Variants in CTNND2 observed in about 807,000 individuals in gnomAD.
CTNND2 encodes the protein catenin delta-2.
Under a neutral mutation model 144.4 loss-of-function variants are expected in CTNND2, and 22 were observed. That is an observed-to-expected ratio of 0.15 (90% confidence interval 0.11 to 0.22). CTNND2 has a LOEUF of 0.22. CTNND2 is among the 10% of genes least tolerant of loss of function. The pLI, the probability that CTNND2 is intolerant of heterozygous loss-of-function variation, is 1.00. For missense variants in CTNND2, 1,353 were observed against 1,618.8 expected, an observed-to-expected ratio of 0.84 and a Z score of 2.82; for synonymous variants, 751 against 695.6, an observed-to-expected ratio of 1.08 and a Z score of -1.25.
intron 7 of CTNND2, 23 bp from the exon 8 acceptor site, chr5:11,364,913 C>G (rs759224538): frequency 3.8e-6 from 6 of 1,591,504 alleles, no homozygotes; most frequent in Non-Finnish European, 5.1e-6. Context: ...AACAGAGGGA[C>G]ATCAAAGCTC....
chr5:11,895,570 G>A (rs58623875), intron 1 of CTNND2, among the ~76,000 whole-genome samples: 4,218 of 152,094 alleles, frequency 0.028, 153 homozygotes, highest in African/African-American at 0.079. Flanking sequence ...TTTACTACTG[G>A]GACACACGAA....
intron 2 of CTNND2, among the ~76,000 whole-genome samples, chr5:11,648,811 T>G (rs1238220150): frequency 1.3e-5 from 2 of 152,166 alleles, no homozygotes; most frequent in East Asian, 3.9e-4. Context: ...CTGGATTAAT[T>G]TATAAGTAAA....
Position 11,022,924 on chromosome 5 carries a change from G to T in CTNND2, c.2844C>A (p.Asn948Lys). Residue 948 changes from asparagine to lysine, a missense_variant, in exon 17 of 22, where the codon AAC (asparagine) becomes AAA (lysine). Asn to Lys is a moderately conservative substitution (Grantham distance 94). Around this residue, in one of 4 missense-constraint regions of CTNND2, gnomAD observed 459 missense variants for 674.3 expected, o/e 0.68. Transcript: ENST00000304623. ...CCGACATGGCCTTGCTTGCAGTGTTGTTGCTGTTGTTCCCTCCTGGAAGCC... is the reference window on the plus strand; with the variant it reads ...CCGACATGGCCTTGCTTGCAGTGTTTTTGCTGTTGTTCCCTCCTGGAAGCC... ...VHRLPGGNNS[N>K]NTASKAMSDD... 1 of 1,614,216 alleles carries T rather than the reference G, an allele frequency of 6.2e-7. No homozygotes were observed. The highest frequency in any genetic ancestry group is 8.5e-7 in the Non-Finnish European group (1 of 1,180,030).
intron 3 of CTNND2, among the ~76,000 whole-genome samples, chr5:11,452,660 T>G (rs1016070783): frequency 2.0e-5 from 3 of 152,202 alleles, no homozygotes; most frequent in African/African-American, 7.2e-5. Flanking sequence ...ATTCTAACTA[T>G]TCATTCTAGG....
At chr5:11,304,124 A>G (rs1421003759) in intron 9 of CTNND2, among the ~76,000 whole-genome samples, 2 of 152,142 alleles carry the variant, frequency 1.3e-5, no homozygotes, top group African/African-American at 2.4e-5. Context: ...CCCAGTCTTG[A>G]GTATGTCTTT....
chr5:11,109,586 G>C (rs1272976543), intron 14 of CTNND2, among the ~76,000 whole-genome samples: 3 of 151,994 alleles, frequency 2.0e-5, no homozygotes, highest in Non-Finnish European at 4.4e-5. Context: ...TGGCTCCTCT[G>C]TCCTGGAAGG....
At chr5:11,776,025 C>A (rs34629815) in intron 1 of CTNND2, among the ~76,000 whole-genome samples, 45 of 152,198 alleles carry the variant, frequency 3.0e-4, no homozygotes, top group Non-Finnish European at 5.7e-4. Flanking sequence ...GAAGAGGCCA[C>A]GAAGGATTCT....
chr5:11,162,074 T>C (rs971625423), intron 11 of CTNND2, among the ~76,000 whole-genome samples: 4 of 147,802 alleles, frequency 2.7e-5, no homozygotes, highest in Non-Finnish European at 5.9e-5. Flanking sequence ...TGCTTGAACC[T>C]GGGAGTGGGG....
At chr5:11,671,706 T>G (rs1783881999) in intron 2 of CTNND2, among the ~76,000 whole-genome samples, 1 of 152,086 alleles carries the variant, frequency 6.6e-6, no homozygotes, top group Non-Finnish European at 1.5e-5. Context: ...CTTAGCTTCC[T>G]TGCATTGGGT....
chr5:11,296,199 A>C (rs1253606904), intron 9 of CTNND2, among the ~76,000 whole-genome samples: 1 of 152,028 alleles, frequency 6.6e-6, no homozygotes, highest in Non-Finnish European at 1.5e-5. Flanking sequence ...TCTCAAAAGA[A>C]GACATTTATG....
intron 3 of CTNND2, among the ~76,000 whole-genome samples, chr5:11,537,472 A>T (rs935416183): frequency 6.6e-6 from 1 of 152,304 alleles, no homozygotes; most frequent in Admixed American, 6.5e-5. Flanking sequence ...ATTTATATAC[A>T]TCGTTCAACT....
At chr5:11,126,367 G>C (rs1022152985) in intron 12 of CTNND2, among the ~76,000 whole-genome samples, 1 of 152,194 alleles carries the variant, frequency 6.6e-6, no homozygotes, top group Non-Finnish European at 1.5e-5. Flanking sequence ...TGAATATCCA[G>C]ATTATTTCTA....
intron 20 of CTNND2, among the ~76,000 whole-genome samples, chr5:10,986,333 T>C (rs1737950641): frequency 6.6e-6 from 1 of 152,232 alleles, no homozygotes; most frequent in Non-Finnish European, 1.5e-5. Flanking sequence ...AATGATTCTC[T>C]TGGGCAAGAG....
At chr5:11,286,010 T>C (rs1381120071) in intron 9 of CTNND2, among the ~76,000 whole-genome samples, 1 of 77,936 alleles carries the variant, frequency 1.3e-5, no homozygotes, top group East Asian at 2.5e-4. Context: ...AGGACAAAGA[T>C]ACTGGAAAAA....
At chr5:11,617,142 G>A (rs190151213) in intron 2 of CTNND2, among the ~76,000 whole-genome samples, 4 of 152,242 alleles carry the variant, frequency 2.6e-5, no homozygotes, top group African/African-American at 4.8e-5. Flanking sequence ...CATTACCTCC[G>A]AGGATGGCCA....
intron 2 of CTNND2, among the ~76,000 whole-genome samples, chr5:11,618,228 T>C (rs1431092508): frequency 6.6e-6 from 1 of 152,178 alleles, no homozygotes; most frequent in Non-Finnish European, 1.5e-5. Flanking sequence ...CACTTGGAGC[T>C]AGACGTATTT....
chr5:11,295,613 T>G (rs1580823896), intron 9 of CTNND2, among the ~76,000 whole-genome samples: 1 of 152,284 alleles, frequency 6.6e-6, no homozygotes, highest in African/African-American at 2.4e-5. Flanking sequence ...CAAAACAGCA[T>G]GGTACTGGTA....
intron 6 of CTNND2, among the ~76,000 whole-genome samples, chr5:11,395,571 T>C (rs1324978286): frequency 6.6e-6 from 1 of 152,242 alleles, no homozygotes; most frequent in East Asian, 1.9e-4. Flanking sequence ...TATAACTTAG[T>C]AACCCTTTCT....
At chr5:11,765,239 G>C (rs1186351058) in intron 1 of CTNND2, among the ~76,000 whole-genome samples, 5 of 152,168 alleles carry the variant, frequency 3.3e-5, no homozygotes, top group African/African-American at 1.2e-4. Flanking sequence ...GGTTAGACTG[G>C]GATGGTAAGG....
Sources: allele counts gnomAD v4.1 joint callset (sites outside exome capture counted in the v4.1 genomes callset), GRCh38; gene constraint gnomAD v4.1.1; regional missense constraint gnomAD v4.1.1; transcripts MANE v1.5; gene names NCBI Gene and HGNC (gene_info 2026-07-23, HGNC 2026-07-21).